DLGAP2: variants seen among roughly 807,000 people sequenced by gnomAD.
DLGAP2 encodes DLG associated protein 2.
In DLGAP2, 26 loss-of-function variants were observed where a neutral mutation model predicts 100.3. That is an observed-to-expected ratio of 0.26 (90% CI 0.19 to 0.36). DLGAP2 has a LOEUF of 0.36. DLGAP2 is among the 10% of genes least tolerant of loss of function. The pLI is 1.00. For synonymous variants in DLGAP2, 886 were observed against 630.1 expected (o/e 1.41, Z -6.08); for missense variants, 1,858 against 1,453.2 (o/e 1.28, Z -4.53).
rs1006188338 is a variant in DLGAP2, at chr8:983,326, A to C, written c.73+75360A>C. ...TCCCTTAGAATCCACGTGTTGGTGG[A>C]AGGTACAGGTCGTCGAGATGTTCTT... On this transcript the variant is annotated intron_variant, in intron 2 of 14. Transcript: ENST00000637795. Among the ~76,000 whole-genome samples, 18 of 150,408 alleles carry C rather than the reference A, an allele frequency of 1.2e-4. 1 individual carries two copies. Among genetic ancestry groups the C allele is most frequent in the African/African-American group, 4.4e-4 (18 of 40,980 alleles).
intron 1 of DLGAP2, among the ~76,000 whole-genome samples, chr8:816,229 A>G (rs1208136503): frequency 1.3e-5 from 2 of 151,102 alleles, no homozygotes; most frequent in Non-Finnish European, 2.9e-5. Flanking sequence ...TTGAGATGTG[A>G]GATACTATTC....
chr8:1,219,868 T>A (rs1174638075), intron 2 of DLGAP2, among the ~76,000 whole-genome samples: 1 of 151,982 alleles, frequency 6.6e-6, no homozygotes, highest in Non-Finnish European at 1.5e-5. Flanking sequence ...AATTTATTCT[T>A]TTTTTTTCTA....
At chr8:892,171 C>G (rs193142532) in intron 1 of DLGAP2, among the ~76,000 whole-genome samples, 2 of 152,256 alleles carry the variant, frequency 1.3e-5, no homozygotes, top group African/African-American at 4.8e-5. Flanking sequence ...CGAGACGGAA[C>G]CACCTTGTGA....
chr8:837,878 G>A (rs1033932021), intron 1 of DLGAP2, among the ~76,000 whole-genome samples: 28 of 147,090 alleles, frequency 1.9e-4, no homozygotes, highest in African/African-American at 5.7e-4. Context: ...CACCACGCCC[G>A]GCTAGTTGTT....
At chr8:1,686,760 C>T (rs1448093484) in intron 12 of DLGAP2, among the ~76,000 whole-genome samples, 1 of 151,840 alleles carries the variant, frequency 6.6e-6, no homozygotes, top group East Asian at 1.9e-4. Flanking sequence ...TTGATTCATA[C>T]TAATGGGTAC....
At chr8:1,386,348 G>A (rs970363113) in intron 3 of DLGAP2, among the ~76,000 whole-genome samples, 3 of 152,166 alleles carry the variant, frequency 2.0e-5, no homozygotes, top group Admixed American at 6.6e-5. Context: ...AACATAGGCC[G>A]ACACCCCTGG....
At chr8:1,601,395 A>T (rs1370726650) in intron 6 of DLGAP2, among the ~76,000 whole-genome samples, 1 of 152,198 alleles carries the variant, frequency 6.6e-6, no homozygotes. Flanking sequence ...GCAGAGCTCG[A>T]GCGCTGTGCT....
chr8:1,429,776 A>T (rs974379673), intron 3 of DLGAP2, among the ~76,000 whole-genome samples: 1 of 151,330 alleles, frequency 6.6e-6, no homozygotes, highest in African/African-American at 2.4e-5. Flanking sequence ...GAGGATATTC[A>T]GTGCATGCTT....
chr8:1,506,089 T>C (rs776646050), intron 4 of DLGAP2, among the ~76,000 whole-genome samples: 29 of 152,218 alleles, frequency 1.9e-4, no homozygotes, highest in Admixed American at 3.3e-4. Flanking sequence ...ACATAGATTG[T>C]GAACATGTTT....
At chr8:1,382,527 G>A (rs547625276) in intron 3 of DLGAP2, among the ~76,000 whole-genome samples, 2 of 152,204 alleles carry the variant, frequency 1.3e-5, no homozygotes, top group Non-Finnish European at 2.9e-5. Flanking sequence ...CTTGAGCCCA[G>A]GAGTTTGAGA....
chr8:1,241,089 CTCTCACATGGCGCCGTGTCTGGT>C, intron 2 of DLGAP2, among the ~76,000 whole-genome samples: 1 of 98,478 alleles, frequency 1.0e-5, no homozygotes, highest in Non-Finnish European at 2.1e-5. Flanking sequence ...GTGTCTAGTT[CTCTCACATGGCGCCGTGTCTGGT>C]TCTCTCGCAT....
At chr8:1,023,870 T>TGTGC (rs2129025488) in intron 2 of DLGAP2, among the ~76,000 whole-genome samples, 1 of 150,228 alleles carries the variant, frequency 6.7e-6, no homozygotes, top group African/African-American at 2.5e-5. Flanking sequence ...TGTGTGTGTG[T>TGTGC]GTGTGTGTGT....
intron 3 of DLGAP2, among the ~76,000 whole-genome samples, chr8:1,390,282 C>T (rs1563122037): frequency 6.6e-6 from 1 of 152,190 alleles, no homozygotes. Flanking sequence ...AGAAATGTGT[C>T]TGTCACCTAC....
intron 3 of DLGAP2, among the ~76,000 whole-genome samples, chr8:1,362,690 C>T (rs1202960924): frequency 6.6e-5 from 10 of 152,202 alleles, no homozygotes; most frequent in Non-Finnish European, 1.5e-5. Flanking sequence ...CCCGAAATAA[C>T]CTAAATCTAT....
chr8:1,414,419 C>G (rs966203212), intron 3 of DLGAP2, among the ~76,000 whole-genome samples: 3 of 152,182 alleles, frequency 2.0e-5, no homozygotes, highest in Non-Finnish European at 4.4e-5. Flanking sequence ...GGTCGTGACC[C>G]ATGGAGCCGG....
chr8:1,556,812 C>G (rs1042594916), intron 5 of DLGAP2, among the ~76,000 whole-genome samples: 1 of 152,340 alleles, frequency 6.6e-6, no homozygotes, highest in Middle Eastern at 3.4e-3. Context: ...GGAAAGACTT[C>G]CCACCCAAGC....
At chr8:869,843 G>A (rs866532642) in intron 1 of DLGAP2, among the ~76,000 whole-genome samples, 20 of 152,114 alleles carry the variant, frequency 1.3e-4, no homozygotes, top group Admixed American at 2.6e-4. Context: ...AGCGGGACAC[G>A]TTCTGAACAG....
intron 3 of DLGAP2, among the ~76,000 whole-genome samples, chr8:1,364,203 C>G (rs143656351): frequency 1.3e-5 from 2 of 152,180 alleles, no homozygotes; most frequent in African/African-American, 2.4e-5. Context: ...AGGGGAGGGG[C>G]GGACGGTGCC....
At chr8:738,155 G>A (rs2132550755) in intron 1 of DLGAP2, 2 of 192,598 alleles carry the variant, frequency 1.0e-5, no homozygotes, top group African/African-American at 4.7e-5. Flanking sequence ...CGGGGTGGAG[G>A]GGGCAAAGCC....
Sources: allele counts gnomAD v4.1 joint callset (sites outside exome capture counted in the v4.1 genomes callset), GRCh38; gene constraint gnomAD v4.1.1; transcripts MANE v1.5; gene names NCBI Gene and HGNC (gene_info 2026-07-23, HGNC 2026-07-21).